The following DNAH5 variants were observed in gnomAD, a reference collection of about 807,000 sequenced individuals.
The protein encoded by DNAH5 is dynein axonemal heavy chain 5, also known as axonemal beta dynein heavy chain 5.
DNAH5 carries 372 observed loss-of-function variants against 518.2 expected under a neutral mutation model. The ratio of observed to expected loss-of-function variants is 0.72; its 90% CI spans 0.66 to 0.78. DNAH5 has a LOEUF of 0.78. Ranked by LOEUF, DNAH5 falls within the 30% of genes least tolerant of loss-of-function variation. The pLI, the probability that DNAH5 is intolerant of heterozygous loss-of-function variation, is 0.00. For missense variants in DNAH5, 5,523 were observed against 5,687.0 expected (o/e 0.97, Z 0.93); for synonymous variants, 2,039 against 2,025.9 (o/e 1.01, Z -0.17).
intron 65 of DNAH5, among the ~76,000 whole-genome samples, chr5:13,742,716 CA>C (rs996317800): frequency 5.9e-5 from 9 of 151,738 alleles, no homozygotes; most frequent in African/African-American, 1.9e-4. Context: ...TCGATTAAAG[CA>C]ATTGCCTATA....
intron 47 of DNAH5, among the ~76,000 whole-genome samples, chr5:13,796,901 T>A (rs1048996623): frequency 2.4e-4 from 37 of 152,088 alleles, no homozygotes; most frequent in African/African-American, 8.4e-4. Context: ...ACACCACACA[T>A]CTACAACCAT....
intron 32 of DNAH5, among the ~76,000 whole-genome samples, chr5:13,843,049 C>A (rs984009584): frequency 6.6e-6 from 1 of 152,152 alleles, no homozygotes. Context: ...TTAAGCGAAA[C>A]ATCAGAAAGA....
chr5:13,928,169 T>C lies in DNAH5; in HGVS notation c.202A>G (p.Ile68Val), dbSNP rs748958538. The change falls in exon 3 of 79, where the codon ATT (isoleucine) becomes GTT (valine). Residue 68 changes from isoleucine to valine, a missense_variant. This residue lies in a region of DNAH5 where 5,121 missense variants were observed against 5,223.3 expected (regional missense o/e 0.98). Coordinates refer to ENST00000265104, the MANE Select transcript of DNAH5 (RefSeq NM_001369.3). ...AILEGNQIER[I>V]DQLFAVGGLR... ...CCTCCAACAGCAAAAAGTTGATCAA[T>C]TCTTTCAATCTGGGAAAAAGAAAAA... 2 of 1,613,080 alleles carry C rather than the reference T, an allele frequency of 1.2e-6. No individual in the cohort carries two copies. The highest frequency in any genetic ancestry group is 1.7e-6 in the Non-Finnish European group (2 of 1,179,186).
intron 44 of DNAH5, 71 bp from the exon 45 acceptor site, chr5:13,810,331 G>C: frequency 7.4e-7 from 1 of 1,353,330 alleles, no homozygotes; most frequent in South Asian, 1.3e-5. Flanking sequence ...GGTTTCAATG[G>C]GAACAGTAAA....
intron 65 of DNAH5, among the ~76,000 whole-genome samples, chr5:13,746,255 T>C (rs943683827): frequency 1.3e-5 from 2 of 152,134 alleles, no homozygotes; most frequent in Non-Finnish European, 2.9e-5. Flanking sequence ...GAGGATGGGT[T>C]GAGACAGCTT....
chr5:13,777,425 G>C, intron 53 of DNAH5, 70 bp from the exon 54 acceptor site: 2 of 1,408,620 alleles, frequency 1.4e-6, no homozygotes, highest in Non-Finnish European at 2.0e-6. Flanking sequence ...TTGTAACAAC[G>C]CATTATGCCA....
intron 66 of DNAH5, 48 bp downstream of exon 66, chr5:13,737,204 C>T (rs201163559): frequency 3.5e-5 from 56 of 1,611,874 alleles, no homozygotes; most frequent in Non-Finnish European, 6.8e-6. Context: ...TCTCATTCCT[C>T]TCTCATTTCA....
chr5:13,994,366 A>G (rs73047521), intron 1 of DNAH5, among the ~76,000 whole-genome samples: 8,787 of 152,276 alleles, frequency 0.058, 522 homozygotes, highest in East Asian at 0.19. Context: ...GACCTAGAAG[A>G]GTACGATCAT....
At chr5:13,826,469 G>A (rs570886110) in intron 38 of DNAH5, among the ~76,000 whole-genome samples, 2 of 152,190 alleles carry the variant, frequency 1.3e-5, no homozygotes, top group Admixed American at 6.5e-5. Flanking sequence ...AATCATGGGG[G>A]TGGCTACCTC....
chr5:13,994,139 C>T (rs775158097), intron 1 of DNAH5, among the ~76,000 whole-genome samples: 2 of 152,184 alleles, frequency 1.3e-5, no homozygotes, highest in Admixed American at 1.3e-4. Context: ...CACTTCCTCC[C>T]GCACGCCTCC....
intron 68 of DNAH5, among the ~76,000 whole-genome samples, chr5:13,729,855 T>A: frequency 6.6e-6 from 1 of 152,238 alleles, no homozygotes; most frequent in South Asian, 2.1e-4. Context: ...AGGTCTCTAA[T>A]TCCAAATTAG....
At position 13,920,556 on chromosome 5, in the gene DNAH5, A is replaced by T; in HGVS notation, c.722T>A (p.Leu241Ter). The T allele has an allele frequency of 1.2e-6, 2 of 1,614,140 alleles. No homozygotes were observed. The highest frequency in any genetic ancestry group is 2.2e-5 in the South Asian group (2 of 91,074). Reference protein sequence around the residue: ...LKTLKEPTDYLTLANNPETLG... With the variant: ...LKTLKEPTDY ...AGTCTCAGGGTTATTTGCTAGAGTC[A>T]AGTAGTCCGTAGGTTCCTTTAGGGT... The change falls in exon 6 of 79, where the codon TTG (leucine) becomes TAG (stop). Residue 241 changes from leucine to a stop codon, truncating the protein, a stop_gained. Transcript: ENST00000265104. LOFTEE classifies it high-confidence loss of function.
At chr5:13,869,059 C>T (rs1018733972) in intron 24 of DNAH5, among the ~76,000 whole-genome samples, 1 of 152,138 alleles carries the variant, frequency 6.6e-6, no homozygotes, top group African/African-American at 2.4e-5. Context: ...TTGAGGGTAT[C>T]CCCTGATCCT....
intron 1 of DNAH5, among the ~76,000 whole-genome samples, chr5:13,969,384 C>T (rs1405298597): frequency 6.6e-6 from 1 of 151,974 alleles, no homozygotes; most frequent in Non-Finnish European, 1.5e-5. Context: ...TCTTGTTTAT[C>T]TAGTTCCTTG....
At chr5:13,726,371 AAGG>A (rs996666341) in intron 70 of DNAH5, among the ~76,000 whole-genome samples, 1 of 152,346 alleles carries the variant, frequency 6.6e-6, no homozygotes, top group African/African-American at 2.4e-5. Flanking sequence ...GAAGAAATGT[AAGG>A]AGAACAGGTA....
intron 21 of DNAH5, among the ~76,000 whole-genome samples, chr5:13,882,254 C>G (rs185731768): frequency 1.3e-5 from 2 of 151,950 alleles, no homozygotes; most frequent in Admixed American, 1.3e-4. Context: ...ACCAATATTT[C>G]TCTAGCACTT....
intron 59 of DNAH5, among the ~76,000 whole-genome samples, chr5:13,765,687 A>T (rs1752424617): frequency 6.6e-6 from 1 of 152,190 alleles, no homozygotes; most frequent in Non-Finnish European, 1.5e-5. Context: ...CAAAATACAA[A>T]TATTTGTATT....
chr5:13,702,735 T>C (rs915685090), intron 76 of DNAH5, among the ~76,000 whole-genome samples: 1 of 152,154 alleles, frequency 6.6e-6, no homozygotes, highest in Admixed American at 6.5e-5. Context: ...ATGAGAGGGA[T>C]GGAGGGTGGT....
At chr5:13,773,254 T>C (rs145599581) in intron 55 of DNAH5, among the ~76,000 whole-genome samples, 264 of 152,308 alleles carry the variant, frequency 1.7e-3, no homozygotes, top group African/African-American at 6.1e-3. Flanking sequence ...AGGTAAATTA[T>C]GTAAAGCATA....
Sources: gnomAD v4.1 joint callset for allele counts (sites outside exome capture counted in the v4.1 genomes callset) on GRCh38, gnomAD v4.1.1 for gene constraint, gnomAD v4.1.1 regional missense constraint, MANE v1.5 for transcripts, NCBI Gene and HGNC (gene_info 2026-07-23, HGNC 2026-07-21) for gene names.